Variants in MMP26 observed in about 807,000 individuals in gnomAD.
The protein encoded by MMP26 is matrix metallopeptidase 26.
In MMP26, 33 loss-of-function variants were observed where a neutral mutation model predicts 31.0. That is an observed-to-expected ratio of 1.06 (90% CI 0.81 to 1.42). MMP26 has a LOEUF of 1.42. Ranked by LOEUF, MMP26 falls within the 40% of genes most tolerant of loss-of-function variation. MMP26 has a pLI of 0.00. For missense variants in MMP26, 347 were observed against 316.1 expected, an observed-to-expected ratio of 1.10 and a Z score of -0.74; for synonymous variants, 122 against 114.9, an observed-to-expected ratio of 1.06 and a Z score of -0.40.
intron 1 of MMP26, among the ~76,000 whole-genome samples, chr11:4,744,353 G>C (rs1427389746): frequency 1.3e-5 from 2 of 152,108 alleles, no homozygotes; most frequent in Non-Finnish European, 2.9e-5. Flanking sequence ...TTAATTCAAA[G>C]GCAATTCAAC....
At chr11:4,761,102 C>T (rs769928498) in intron 1 of MMP26, among the ~76,000 whole-genome samples, 3 of 152,026 alleles carry the variant, frequency 2.0e-5, no homozygotes, top group African/African-American at 2.4e-5. Context: ...CAAGGGTAAG[C>T]GGGGAGAGCC....
intron 2 of MMP26, among the ~76,000 whole-genome samples, chr11:4,800,516 A>G (rs1849166622): frequency 6.6e-6 from 1 of 152,162 alleles, no homozygotes. Context: ...CTGTGGTGGG[A>G]TGGACTACCT....
At chr11:4,842,754 C>A (rs746219707) in intron 2 of MMP26, among the ~76,000 whole-genome samples, 2 of 152,168 alleles carry the variant, frequency 1.3e-5, no homozygotes, top group Admixed American at 1.3e-4. Context: ...TATAGTCCCC[C>A]AAAGTCTTAA....
In MMP26 at chr11:4,966,050, G is replaced by A. The variant is rs559469583; in HGVS notation, c.-144-22018G>A. On this transcript the variant is annotated intron_variant, in intron 2 of 7. Transcript: ENST00000380390. ...GTGGTTTACATTTTTGTATGGGAGA[G>A]AGAAAAAATATGTACAGTACAATGA... is the stretch of plus-strand genomic sequence containing the variant. Among the ~76,000 whole-genome samples the A allele has an allele frequency of 4.8e-4, 73 of 152,218 alleles. 3 individuals are homozygous for A. The South Asian group carries it at 0.015, about 31-fold the overall frequency.
chr11:4,907,828 TC>T, intron 2 of MMP26: 1 of 1,613,820 alleles, frequency 6.2e-7, no homozygotes. Flanking sequence ...TTAGGAGCAT[TC>T]TCTTAGTGAT....
At chr11:4,766,667 A>C (rs1848632404) in intron 1 of MMP26, among the ~76,000 whole-genome samples, 1 of 142,256 alleles carries the variant, frequency 7.0e-6, no homozygotes, top group Non-Finnish European at 1.5e-5. Flanking sequence ...TTTAAGTTAC[A>C]TCCTTAATTT....
Position 4,706,630 on chromosome 11 carries a change from C to G in MMP26, c.-217+1585C>G, listed in dbSNP as rs907337927. On this transcript the variant is annotated intron_variant, in intron 1 of 7. Coordinates refer to ENST00000380390, the MANE Select transcript of MMP26 (RefSeq NM_021801.5). ...AAAGAAAGAAAGAAAGAAAAGAACA[C>G]TTAACATGAGATTTACTCTAACTTT... Among the ~76,000 whole-genome samples the G allele has an allele frequency of 4.1e-5, 6 of 146,944 alleles. No homozygotes were observed. The South Asian group carries it at 6.7e-4, about 16-fold the overall frequency.
At chr11:4,749,613 A>T (rs924989086) in intron 1 of MMP26, among the ~76,000 whole-genome samples, 2 of 152,110 alleles carry the variant, frequency 1.3e-5, no homozygotes, top group African/African-American at 4.8e-5. Flanking sequence ...GAGAACCCAG[A>T]AATAAAGCCA....
chr11:4,722,870 A>G, intron 1 of MMP26: 1 of 810,926 alleles, frequency 1.2e-6, no homozygotes, highest in South Asian at 1.3e-5. Context: ...GCTGGAGCCC[A>G]GGCCATAGCT....
rs138612348 is a variant in MMP26 at position 4,858,114 on chromosome 11, A to G, written c.-145+90773A>G. On this transcript the variant is annotated intron_variant, in intron 2 of 7. Coordinates refer to ENST00000380390, the MANE Select transcript of MMP26 (RefSeq NM_021801.5). ...GCTATTTATGACAGACCCAGAGTCA[A>G]TATCATACTGAATGGGCAAAAACTG... Among the ~76,000 whole-genome samples the G allele has an allele frequency of 2.1e-3, 323 of 152,300 alleles. 8 individuals carry two copies. The East Asian group carries it at 0.05, about 23-fold the overall frequency.
intron 2 of MMP26, chr11:4,787,523 G>C (rs1440778368): frequency 6.6e-6 from 1 of 152,168 alleles, no homozygotes; most frequent in East Asian, 1.9e-4. Flanking sequence ...TACATTCCCT[G>C]GGTTGTTCTT....
intron 2 of MMP26, chr11:4,946,808 G>A: frequency 2.5e-6 from 4 of 1,587,462 alleles, no homozygotes; most frequent in Non-Finnish European, 3.4e-6. Flanking sequence ...GGCAAAGCAG[G>A]CATTGGATGA....
intron 2 of MMP26, among the ~76,000 whole-genome samples, chr11:4,871,013 G>T (rs1850303801): frequency 1.3e-5 from 2 of 151,930 alleles, no homozygotes; most frequent in Admixed American, 6.6e-5. Flanking sequence ...TATAATCAAA[G>T]AATAATAAAG....
intron 2 of MMP26, chr11:4,848,905 C>T (rs1285237326): frequency 1.2e-6 from 2 of 1,614,060 alleles, no homozygotes; most frequent in Non-Finnish European, 1.7e-6. Flanking sequence ...CAGGCTGAGG[C>T]AGGGACAGTG....
Position 4,770,792 on chromosome 11 carries a change from A to G in MMP26, c.-145+3451A>G, listed in dbSNP as rs561994220. Among the ~76,000 whole-genome samples the G allele has an allele frequency of 1.1e-4, 17 of 152,204 alleles. No homozygotes were observed. The South Asian group carries it at 2.9e-3, about 26-fold the overall frequency. On this transcript the variant is annotated intron_variant, in intron 2 of 7. Coordinates refer to ENST00000380390, the MANE Select transcript of MMP26 (RefSeq NM_021801.5). ...CAGGAGGCAGAGGTTGCAGTGAGCC[A>G]AGATTGCACCACCGCACTCCAGCCT...
At position 4,990,664 on chromosome 11, in the gene MMP26, C is replaced by T; in HGVS notation, c.387C>T (p.Ser129=). The T allele has an allele frequency of 6.2e-7, 1 of 1,614,066 alleles. No individual in the cohort carries two copies. Among genetic ancestry groups the T allele is most frequent in the Non-Finnish European group, 8.5e-7 (1 of 1,179,986 alleles). ...AVKDSIYNAV[S]IWSNVTPLIF... ...AAGACAGTATATATAATGCAGTTTC[C>T]ATCTGGAGCAATGTGACCCCTTTGA... Residue 129 remains serine, a synonymous_variant, in exon 5 of 8, where the codon TCC becomes TCT. Coordinates refer to ENST00000380390, the MANE Select transcript of MMP26 (RefSeq NM_021801.5).
At chr11:4,775,045 T>C (rs984359714) in intron 2 of MMP26, among the ~76,000 whole-genome samples, 1 of 152,232 alleles carries the variant, frequency 6.6e-6, no homozygotes, top group African/African-American at 2.4e-5. Context: ...ATAGTAAAGT[T>C]TGAAGTCCTA....
At chr11:4,818,862 T>C (rs1204735809) in intron 2 of MMP26, among the ~76,000 whole-genome samples, 5 of 152,166 alleles carry the variant, frequency 3.3e-5, no homozygotes, top group Admixed American at 3.3e-4. Flanking sequence ...ATTAATAAAA[T>C]ACAGTATTAG....
intron 2 of MMP26, among the ~76,000 whole-genome samples, chr11:4,864,684 G>A (rs893603145): frequency 6.6e-6 from 1 of 151,910 alleles, no homozygotes; most frequent in African/African-American, 2.4e-5. Context: ...ATACTGTTGG[G>A]GATAGAACTA....
Sources: allele counts gnomAD v4.1 joint callset (sites outside exome capture counted in the v4.1 genomes callset), GRCh38; gene constraint gnomAD v4.1.1; transcripts MANE v1.5; gene names NCBI Gene and HGNC (gene_info 2026-07-23, HGNC 2026-07-21).